DRC8: variants seen among roughly 807,000 people sequenced by gnomAD.
The protein encoded by DRC8 is dynein regulatory complex subunit 8.
At chr1:245,107,102 C>T in the DRC8 span, 1 of 152,228 alleles carries the variant, frequency 6.6e-6, no homozygotes, top group East Asian at 1.9e-4. Context: ...GGAACTAGAA[C>T]TATTTCCAAA....
At chr1:245,036,718 T>C in the DRC8 span, among the ~76,000 whole-genome samples, 2 of 152,210 alleles carry the variant, frequency 1.3e-5, no homozygotes, top group African/African-American at 4.8e-5. Flanking sequence ...AACATTCTGC[T>C]AAGTGAAAGA....
chr1:245,103,202 G>A, the DRC8 span, among the ~76,000 whole-genome samples: 1 of 99,548 alleles, frequency 1.0e-5, no homozygotes, highest in Non-Finnish European at 1.9e-5. Flanking sequence ...AGGGAGACCA[G>A]AGAGGCCAAG....
chr1:244,986,206 C>T, the DRC8 span, among the ~76,000 whole-genome samples: 3 of 152,070 alleles, frequency 2.0e-5, no homozygotes, highest in South Asian at 2.1e-4. Flanking sequence ...CCGCCCACCT[C>T]GGCCTCCCAA....
At chr1:244,973,346 T>C in the DRC8 span, among the ~76,000 whole-genome samples, 1 of 152,222 alleles carries the variant, frequency 6.6e-6, no homozygotes, top group Non-Finnish European at 1.5e-5. Flanking sequence ...AAGGATGTGT[T>C]CAGTACCCTC....
At chr1:244,992,206 G>A in the DRC8 span, among the ~76,000 whole-genome samples, 1 of 152,192 alleles carries the variant, frequency 6.6e-6, no homozygotes, top group South Asian at 2.1e-4. Context: ...AAGCCATCCT[G>A]CTCATTCTAA....
At chr1:245,076,649 T>C in the DRC8 span, among the ~76,000 whole-genome samples, 3 of 152,262 alleles carry the variant, frequency 2.0e-5, no homozygotes, top group Non-Finnish European at 2.9e-5. Context: ...TTCAGTATAA[T>C]TGAGTTTTCT....
chr1:245,090,375 G>A, the DRC8 span, among the ~76,000 whole-genome samples: 5 of 152,182 alleles, frequency 3.3e-5, no homozygotes, highest in African/African-American at 7.2e-5. Flanking sequence ...ATTTCGCTTC[G>A]ATGTGTTCTT....
chr1:245,088,057 C>T, the DRC8 span, among the ~76,000 whole-genome samples: 18 of 152,150 alleles, frequency 1.2e-4, no homozygotes, highest in Admixed American at 1.2e-3. This position sits in a 1 kb window ranked among gnomAD's most constrained non-coding sequence, Gnocchi z 4.6. Flanking sequence ...GCATATCTGT[C>T]ATGGGAGCAT....
the DRC8 span, among the ~76,000 whole-genome samples, chr1:245,105,743 T>G: frequency 6.6e-6 from 1 of 152,364 alleles, no homozygotes; most frequent in South Asian, 2.1e-4. Flanking sequence ...CTTCTTTTCT[T>G]TAATTTTTCA....
the DRC8 span, among the ~76,000 whole-genome samples, chr1:245,062,902 C>A: frequency 1.3e-5 from 2 of 152,166 alleles, no homozygotes; most frequent in South Asian, 4.1e-4. Context: ...CTCTGCTTGG[C>A]CTCTGTTACC....
the DRC8 span, among the ~76,000 whole-genome samples, chr1:245,075,161 T>G: frequency 6.6e-6 from 1 of 152,178 alleles, no homozygotes; most frequent in South Asian, 2.1e-4. Flanking sequence ...AAATAAATAA[T>G]GCTTTTATGA....
At chr1:245,053,398 G>A in the DRC8 span, among the ~76,000 whole-genome samples, 3 of 152,310 alleles carry the variant, frequency 2.0e-5, no homozygotes, top group African/African-American at 4.8e-5. Flanking sequence ...GACAGCATCC[G>A]TGTCGTCTGC....
the DRC8 span, among the ~76,000 whole-genome samples, chr1:245,121,678 G>A: frequency 5.3e-5 from 8 of 152,102 alleles, no homozygotes; most frequent in Non-Finnish European, 1.0e-4. Context: ...TATGTGCTGC[G>A]TGGGGGAGAG....
At chr1:244,975,860 A>AAAAT in the DRC8 span, among the ~76,000 whole-genome samples, 577 of 152,148 alleles carry the variant, frequency 3.8e-3, 6 homozygotes, top group African/African-American at 0.012. Context: ...ACTCTGTCTC[A>AAAAT]AAATAAATAA....
chr1:245,060,296 C>G, the DRC8 span, among the ~76,000 whole-genome samples: 1 of 152,172 alleles, frequency 6.6e-6, no homozygotes, highest in Non-Finnish European at 1.5e-5. Flanking sequence ...ATAATAATAA[C>G]TACTTCAAAG....
the DRC8 span, among the ~76,000 whole-genome samples, chr1:245,118,360 G>A: frequency 6.6e-6 from 1 of 152,202 alleles, no homozygotes; most frequent in Admixed American, 6.5e-5. Context: ...GCCAGGTGAG[G>A]TTGTGGCTTC....
the DRC8 span, among the ~76,000 whole-genome samples, chr1:245,068,147 G>A: frequency 2.2e-4 from 33 of 152,252 alleles, no homozygotes; most frequent in African/African-American, 7.0e-4. Context: ...GATCAGCAGC[G>A]GGAAAACGTG....
At chr1:245,007,457 A>AT in the DRC8 span, among the ~76,000 whole-genome samples, 1 of 152,240 alleles carries the variant, frequency 6.6e-6, no homozygotes, top group African/African-American at 2.4e-5. Flanking sequence ...AGATGTCATA[A>AT]TAGCATTGGG....
At chr1:245,034,921 G>C in the DRC8 span, among the ~76,000 whole-genome samples, 1 of 145,892 alleles carries the variant, frequency 6.9e-6, no homozygotes, top group African/African-American at 2.6e-5. Context: ...TGTCTTATTT[G>C]GGAAAGGACA....
Sources: allele counts gnomAD v4.1 joint callset (sites outside exome capture counted in the v4.1 genomes callset), GRCh38; gene constraint gnomAD v4.1.1; non-coding constraint Gnocchi (gnomAD v3.1); transcripts MANE v1.5; gene names NCBI Gene and HGNC (gene_info 2026-07-23, HGNC 2026-07-21).